Variants in FTO observed in about 807,000 individuals in gnomAD.
FTO encodes alpha-ketoglutarate-dependent dioxygenase FTO.
In FTO, 47 loss-of-function variants were observed where a neutral mutation model predicts 63.9. That is an observed-to-expected ratio of 0.74 (90% CI 0.58 to 0.94). The LOEUF (loss-of-function observed/expected upper bound fraction) is 0.94, where lower values mean the gene tolerates loss of function less well. FTO is among the 40% of genes least tolerant of loss of function. FTO has a pLI of 0.00. For synonymous variants in FTO, 207 were observed against 224.4 expected, an observed-to-expected ratio of 0.92 and a Z score of 0.69; for missense variants, 562 against 618.1, an observed-to-expected ratio of 0.91 and a Z score of 0.96.
At chr16:53,711,661 T>G (rs1262036397) in intron 1 of FTO, among the ~76,000 whole-genome samples, 1 of 152,218 alleles carries the variant, frequency 6.6e-6, no homozygotes, top group Non-Finnish European at 1.5e-5. Context: ...AAGCTATGGA[T>G]GTTGAAATCC....
intron 8 of FTO, among the ~76,000 whole-genome samples, chr16:53,959,751 C>G (rs1450470626): frequency 6.6e-6 from 1 of 151,934 alleles, no homozygotes; most frequent in African/African-American, 2.4e-5. Flanking sequence ...AATTCTGGAG[C>G]CTAAGCTTTT....
intron 3 of FTO, among the ~76,000 whole-genome samples, chr16:53,840,639 GTTAAACT>G (rs2079447539): frequency 6.6e-6 from 1 of 152,186 alleles, no homozygotes; most frequent in Non-Finnish European, 1.5e-5. Context: ...CTGTGTTCTA[GTTAAACT>G]TTATTTTGCA....
rs2086981392 is a variant in FTO, at chr16:54,117,502, A to C, written c.*5587A>C. The C allele has an allele frequency of 6.6e-6, 1 of 152,154 alleles. No individual in the cohort carries two copies. Among genetic ancestry groups the C allele is most frequent in the African/African-American group, 2.4e-5 (1 of 41,434 alleles). 9.4% of individuals were successfully genotyped at this position (152,154 alleles called of 1,614,324 possible). A position where few individuals can be genotyped will look rare whatever the true frequency, so the allele number is the denominator to read the frequency against. On this transcript the variant is annotated 3_prime_UTR_variant, in exon 9 of 9. Coordinates refer to ENST00000471389, the MANE Select transcript of FTO (RefSeq NM_001080432.3). The stretch of plus-strand genomic sequence containing the variant: ...ATGTCTGGTACTTAAAAATCACGCC[A>C]CGCATGTACATTATTATGATGAAAA...
At chr16:53,760,683 G>A (rs1472187361) in intron 1 of FTO, among the ~76,000 whole-genome samples, 1 of 137,532 alleles carries the variant, frequency 7.3e-6, no homozygotes, top group Non-Finnish European at 1.5e-5. Flanking sequence ...CTGGAGTGTA[G>A]TGGCATGATC....
chr16:53,897,860 A>T (rs557675291), intron 7 of FTO, among the ~76,000 whole-genome samples: 8 of 152,286 alleles, frequency 5.3e-5, no homozygotes, highest in Middle Eastern at 6.8e-3. Context: ...TGAACTGTCC[A>T]GTTGCCCAGA....
At chr16:53,811,250 A>T (rs1374033041) in intron 2 of FTO, among the ~76,000 whole-genome samples, 3 of 152,204 alleles carry the variant, frequency 2.0e-5, no homozygotes, top group Admixed American at 2.0e-4. Context: ...ATGTAAAAAT[A>T]ATAAATTTTC....
chr16:53,900,030 T>C (rs1276987325), intron 7 of FTO, among the ~76,000 whole-genome samples: 1 of 152,158 alleles, frequency 6.6e-6, no homozygotes, highest in African/African-American at 2.4e-5. Flanking sequence ...ACCACTTTGT[T>C]GTAGGAGAGA....
intron 1 of FTO, among the ~76,000 whole-genome samples, chr16:53,785,482 C>G (rs546265174): frequency 1.1e-3 from 172 of 151,938 alleles, no homozygotes; most frequent in Admixed American, 1.4e-3. Flanking sequence ...AGGGATTGGG[C>G]CATTTGGGGA....
chr16:54,050,549 G>A (rs1163918858), intron 8 of FTO, among the ~76,000 whole-genome samples: 1 of 152,080 alleles, frequency 6.6e-6, no homozygotes, highest in African/African-American at 2.4e-5. Context: ...TCCAAAGCAG[G>A]GTGGTGACCA....
chr16:53,734,586 G>T (rs1031915143), intron 1 of FTO, among the ~76,000 whole-genome samples: 13 of 152,234 alleles, frequency 8.5e-5, no homozygotes, highest in African/African-American at 3.1e-4. Flanking sequence ...GAATTTCCAT[G>T]TAACAGTGGA....
At chr16:53,928,011 T>C (rs562899993) in intron 7 of FTO, among the ~76,000 whole-genome samples, 1 of 152,278 alleles carries the variant, frequency 6.6e-6, no homozygotes, top group South Asian at 2.1e-4. Context: ...TAAACAATAA[T>C]AATCATGATG....
rs1176264637 is a variant in FTO at position 53,844,272 on chromosome 16, A to C, written c.869A>C (p.His290Pro). 5.6e-6 allele frequency: 9 copies of C among 1,613,414 alleles called. No homozygotes were observed. The highest frequency in any genetic ancestry group is 6.8e-6 in the Non-Finnish European group (8 of 1,179,476). ...ACACCTGGTTTGGCGATACCCCTTC[A>C]CCAAGGAGACTGCTATTTCATGCTT... ...IETPGLAIPL[H>P]QGDCYFMLDD... The change falls in exon 4 of 9, where the codon CAC becomes CCC. Residue 290 changes from histidine to proline, a missense_variant. Coordinates refer to ENST00000471389, the MANE Select transcript of FTO (RefSeq NM_001080432.3).
intron 3 of FTO, among the ~76,000 whole-genome samples, chr16:53,832,042 T>A (rs906663055): frequency 2.0e-5 from 3 of 152,078 alleles, no homozygotes; most frequent in Non-Finnish European, 4.4e-5. Context: ...TAATCCAGAC[T>A]AGGGATATGA....
At chr16:53,795,700 G>C (rs776440578) in intron 1 of FTO, among the ~76,000 whole-genome samples, 1 of 152,082 alleles carries the variant, frequency 6.6e-6, no homozygotes, top group African/African-American at 2.4e-5. Flanking sequence ...TCATGTTGAC[G>C]TTGTAGAATT....
At chr16:53,776,017 A>G (rs1567976392) in intron 1 of FTO, among the ~76,000 whole-genome samples, 1 of 152,028 alleles carries the variant, frequency 6.6e-6, no homozygotes, top group African/African-American at 2.4e-5. Context: ...CTTGGGAAAA[A>G]GGGGATGGTG....
chr16:53,727,377 G>A (rs1019207924), intron 1 of FTO, among the ~76,000 whole-genome samples: 8 of 152,212 alleles, frequency 5.3e-5, no homozygotes, highest in Non-Finnish European at 1.2e-4. Context: ...GGATGCAGAC[G>A]TCTGTGTATG....
chr16:53,872,823 A>G (rs1382708224), intron 4 of FTO, among the ~76,000 whole-genome samples: 3 of 152,178 alleles, frequency 2.0e-5, no homozygotes, highest in African/African-American at 4.8e-5. Flanking sequence ...TGTTGCCTGT[A>G]TAGGATGCCA....
intron 1 of FTO, among the ~76,000 whole-genome samples, chr16:53,770,510 G>C (rs2077309542): frequency 6.6e-6 from 1 of 152,138 alleles, no homozygotes. Context: ...TTCAAAAGTA[G>C]CAGGATCATG....
chr16:54,051,656 T>C lies in FTO; in HGVS notation c.1365-60106T>C, dbSNP rs573826894. Among the ~76,000 whole-genome samples, 34 of 152,362 alleles carry C rather than the reference T, an allele frequency of 2.2e-4. 1 individual carries two copies. In the South Asian group the frequency reaches 7.0e-3, roughly 32 times the overall value. On this transcript the variant is annotated intron_variant, in intron 8 of 8. Coordinates refer to ENST00000471389, the MANE Select transcript of FTO (RefSeq NM_001080432.3). ...GCCCTGGCCTGTAGCTTACATCACT[T>C]TGGTATTTTTAAATGCCCATGATCT...
Sources: gnomAD v4.1 joint callset for allele counts (sites outside exome capture counted in the v4.1 genomes callset) on GRCh38, gnomAD v4.1.1 for gene constraint, MANE v1.5 for transcripts, NCBI Gene and HGNC (gene_info 2026-07-23, HGNC 2026-07-21) for gene names.